Variants in GABRR1 observed in about 807,000 individuals in gnomAD.
GABRR1 encodes gamma-aminobutyric acid receptor subunit rho-1.
A neutral mutation model predicts 55.5 loss-of-function variants in GABRR1; 59 were observed. That is an observed-to-expected ratio of 1.06 (90% CI 0.86 to 1.32). The LOEUF is 1.32. GABRR1 is among the 40% of genes most tolerant of loss of function. The pLI is 0.00. For missense variants in GABRR1, 602 were observed against 619.1 expected (o/e 0.97, Z 0.29); for synonymous variants, 213 against 226.0 (o/e 0.94, Z 0.51).
chr6:89,226,104 A>T (rs1367464137), intron 1 of GABRR1, among the ~76,000 whole-genome samples: 1 of 151,832 alleles, frequency 6.6e-6, no homozygotes, highest in African/African-American at 2.4e-5. Flanking sequence ...CCAACTTTTG[A>T]TGGGGTTGTT....
chr6:89,196,822 G>GAAAGAAAGAAA (rs1772291782), intron 5 of GABRR1, among the ~76,000 whole-genome samples: 2 of 91,062 alleles, frequency 2.2e-5, no homozygotes, highest in Admixed American at 1.4e-4. Context: ...AAGAAAAGAA[G>GAAAGAAAGAAA]GAAAGAAAGA....
upstream of GABRR1, among the ~76,000 whole-genome samples, chr6:89,220,681 A>C (rs1330156413): frequency 6.6e-6 from 1 of 152,094 alleles, no homozygotes; most frequent in African/African-American, 2.4e-5. Context: ...AAGGATCCAG[A>C]CTGACTTACT....
rs371534431 is a variant in GABRR1 at position 89,204,710 on chromosome 6, C to T, written c.123-1225G>A. The T allele has an allele frequency of 7.0e-4, 862 of 1,238,228 alleles. 1 individual carries two copies. Among genetic ancestry groups the T allele is most frequent in the Non-Finnish European group, 8.1e-4 (761 of 945,110 alleles). The allele number at this position is 1,238,228 out of a possible 1,614,324, so 76.7% of individuals were successfully genotyped here. A position where few individuals can be genotyped will look rare whatever the true frequency, so the allele number is the denominator to read the frequency against. ...AGCCTCGATTCTAGCCAAGAGAAGA[C>T]GGATGAATAAAATACAGTTATAGTC... On this transcript the variant is annotated intron_variant, in intron 1 of 9. Transcript: ENST00000454853.
chr6:89,196,889 G>GA (rs1772313513), intron 5 of GABRR1, among the ~76,000 whole-genome samples: 1 of 126,048 alleles, frequency 7.9e-6, no homozygotes, highest in Non-Finnish European at 1.8e-5. Context: ...GAGAAGAGAA[G>GA]AAAAAAGAAA....
intron 1 of GABRR1, among the ~76,000 whole-genome samples, chr6:89,211,905 G>A (rs185577127): frequency 2.0e-5 from 3 of 152,100 alleles, no homozygotes; most frequent in Admixed American, 6.5e-5. Context: ...TCCTTGATCT[G>A]GTCCTTATTT....
At chr6:89,217,412 T>C (rs1773022285), upstream of GABRR1, 8 of 1,440,690 alleles carry the variant, frequency 5.6e-6, no homozygotes, top group Admixed American at 1.2e-4. Context: ...GGTCTGTTCA[T>C]TATTAGAAGG....
At chr6:89,194,136 C>T (rs6923221) in intron 5 of GABRR1, among the ~76,000 whole-genome samples, 1 of 152,150 alleles carries the variant, frequency 6.6e-6, no homozygotes, top group African/African-American at 2.4e-5. Flanking sequence ...ACAACCATCC[C>T]CATCCTGGAA....
intron 6 of GABRR1, 86 bp downstream of exon 6, chr6:89,190,079 A>G (rs1772038279): frequency 2.2e-6 from 2 of 923,642 alleles, no homozygotes; most frequent in East Asian, 5.2e-5. Flanking sequence ...TGAATAAGGA[A>G]CACACACTGT....
At chr6:89,186,967 A>G (rs1053410405) in intron 6 of GABRR1, among the ~76,000 whole-genome samples, 1 of 152,204 alleles carries the variant, frequency 6.6e-6, no homozygotes, top group African/African-American at 2.4e-5. Context: ...ATCCACTGCT[A>G]CAAGCCCAGG....
chr6:89,216,943 T>C (rs538306597), intron 1 of GABRR1, among the ~76,000 whole-genome samples: 12 of 152,284 alleles, frequency 7.9e-5, no homozygotes, highest in African/African-American at 2.9e-4. Context: ...TTCCAGAATC[T>C]ACCTTTCACC....
chr6:89,219,001 C>T (rs1485710598), upstream of GABRR1, among the ~76,000 whole-genome samples: 1 of 152,048 alleles, frequency 6.6e-6, no homozygotes. Context: ...CACGGTGGCT[C>T]ACGCCTGTAA....
At chr6:89,205,752 G>A (rs1281141305) in intron 1 of GABRR1, 1 of 152,168 alleles carries the variant, frequency 6.6e-6, no homozygotes, top group Non-Finnish European at 1.5e-5. Context: ...CATCTGAGAA[G>A]ACAGAGAACT....
In GABRR1 at chr6:89,182,008, G is replaced by T; in HGVS notation, c.846C>A (p.Phe282Leu). 1 of 1,614,150 alleles carries T rather than the reference G, an allele frequency of 6.2e-7. No individual in the cohort carries two copies. The highest frequency in any genetic ancestry group is 1.1e-5 in the South Asian group (1 of 91,068). The change falls in exon 8 of 10, where the codon TTC becomes TTA. Residue 282 changes from phenylalanine to leucine, a missense_variant. Transcript: ENST00000454853. ...YINFTLRRHI[F>L]FFLLQTYFPA... Reference sequence around the variant, plus strand: ...GGAAATAAGTTTGGAGCAAGAAGAAGAAGATGTGGCGACGCAACGTGAAAT... The same window carrying T: ...GGAAATAAGTTTGGAGCAAGAAGAATAAGATGTGGCGACGCAACGTGAAAT...
In GABRR1 at chr6:89,178,789, T is replaced by C. The variant is rs2127787658; in HGVS notation, c.1421A>G (p.Tyr474Cys). 1 of 1,613,416 alleles carries C rather than the reference T, an allele frequency of 6.2e-7. No homozygotes were observed. The highest frequency in any genetic ancestry group is 1.1e-5 in the South Asian group (1 of 91,070). ...AAGCATCTAGGAGAAAATAGACCAG[T>C]ATATTAAATTGAATAAAATGTATGC... is the stretch of plus-strand genomic sequence containing the variant. Reference protein sequence around the residue: ...PAAYILFNLIYWSIFS With the variant: ...PAAYILFNLICWSIFS Residue 474 changes from tyrosine (Y) to cysteine (C), a missense_variant, in exon 10 of 10, where the codon TAC becomes TGC. This residue lies in a region of GABRR1 where 139 missense variants were observed against 141.1 expected (regional missense o/e 0.99). Transcript: ENST00000454853.
chr6:89,210,686 G>C (rs931775991), intron 1 of GABRR1, among the ~76,000 whole-genome samples: 1 of 152,118 alleles, frequency 6.6e-6, no homozygotes, highest in Non-Finnish European at 1.5e-5. Flanking sequence ...TGAAGTACAG[G>C]AAATAGCAAG....
At chr6:89,186,658 T>C (rs899454982) in intron 6 of GABRR1, among the ~76,000 whole-genome samples, 1 of 152,220 alleles carries the variant, frequency 6.6e-6, no homozygotes, top group Non-Finnish European at 1.5e-5. Context: ...CCAGGCATAG[T>C]GGGGAAAACT....
chr6:89,230,806 C>T (rs1345762184), intron 1 of GABRR1, among the ~76,000 whole-genome samples: 3 of 151,646 alleles, frequency 2.0e-5, no homozygotes, highest in Admixed American at 6.6e-5. Flanking sequence ...TCGAGCTTCC[C>T]AGCTGCTTTG....
At chr6:89,203,766 G>A (rs144839038) in intron 1 of GABRR1, among the ~76,000 whole-genome samples, 210 of 152,296 alleles carry the variant, frequency 1.4e-3, no homozygotes, top group African/African-American at 5.0e-3. Flanking sequence ...TGAAATGGAC[G>A]CCATTCTTTT....
At chr6:89,222,895 C>T (rs1226387424) in intron 1 of GABRR1, among the ~76,000 whole-genome samples, 1 of 152,172 alleles carries the variant, frequency 6.6e-6, no homozygotes, top group Non-Finnish European at 1.5e-5. Flanking sequence ...ACAGCTCCAG[C>T]CACAACTGTG....
Sources: gnomAD v4.1 joint callset for allele counts (sites outside exome capture counted in the v4.1 genomes callset) on GRCh38, gnomAD v4.1.1 for gene constraint, gnomAD v4.1.1 regional missense constraint, MANE v1.5 for transcripts, NCBI Gene and HGNC (gene_info 2026-07-23, HGNC 2026-07-21) for gene names.